Variants in BCAS3 observed in about 807,000 individuals in gnomAD.
The protein encoded by BCAS3 is BCAS3 microtubule associated cell migration factor, also known as BCAS4/BCAS3 fusion.
BCAS3 carries 53 observed loss-of-function variants against 116.1 expected under a neutral mutation model. That is an observed-to-expected ratio of 0.46 (90% CI 0.37 to 0.57). BCAS3 has a LOEUF of 0.57. BCAS3 is among the 20% of genes least tolerant of loss of function. The pLI, the probability that BCAS3 is intolerant of heterozygous loss-of-function variation, is 0.00. For missense variants in BCAS3, 917 were observed against 1,165.4 expected (o/e 0.79, Z 3.10); for synonymous variants, 391 against 408.2 (o/e 0.96, Z 0.51).
At chr17:60,822,491 A>G (rs148665990) in intron 7 of BCAS3, among the ~76,000 whole-genome samples, 1 of 152,348 alleles carries the variant, frequency 6.6e-6, no homozygotes, top group African/African-American at 2.4e-5. Context: ...TTGAAAAGCT[A>G]TACCTATGCT....
Position 61,364,505 on chromosome 17 carries a change from C to T in BCAS3, c.2426-3822C>T, listed in dbSNP as rs1169827227. Among the ~76,000 whole-genome samples the T allele has an allele frequency of 6.6e-6, 1 of 152,168 alleles. No individual in the cohort carries two copies. The highest frequency in any genetic ancestry group is 2.4e-5 in the African/African-American group (1 of 41,444). On this transcript the variant is annotated intron_variant, in intron 22 of 23. Coordinates refer to ENST00000407086, the MANE Select transcript of BCAS3 (RefSeq NM_017679.5). This position sits in a 1 kb window ranked among gnomAD's most constrained non-coding sequence, Gnocchi z 5.4. ...CGAAGGTGGGTGGATCACTTGAGCACAGGAGTTTGAGACCAGCCTGGGCAA... is the reference window on the plus strand; with the variant it reads ...CGAAGGTGGGTGGATCACTTGAGCATAGGAGTTTGAGACCAGCCTGGGCAA...
chr17:60,946,169 A>G (rs983905468), intron 13 of BCAS3, among the ~76,000 whole-genome samples: 5 of 152,204 alleles, frequency 3.3e-5, no homozygotes, highest in Admixed American at 1.3e-4. Context: ...CAAGTTGACA[A>G]TGTTACTTCA....
chr17:60,803,694 A>G (rs2048008866), intron 6 of BCAS3, among the ~76,000 whole-genome samples: 1 of 151,942 alleles, frequency 6.6e-6, no homozygotes, highest in African/African-American at 2.4e-5. Context: ...GGAAATTTAT[A>G]TATTCACATG....
chr17:61,278,260 C>T lies in BCAS3; in HGVS notation c.2426-90067C>T, dbSNP rs2144657478. Among the ~76,000 whole-genome samples the T allele has an allele frequency of 6.6e-6, 1 of 152,334 alleles. No homozygotes were observed. The highest frequency in any genetic ancestry group is 1.9e-4 in the East Asian group (1 of 5,188). On this transcript the variant is annotated intron_variant, in intron 22 of 23. Transcript: ENST00000407086. This position sits in a 1 kb window ranked among gnomAD's most constrained non-coding sequence, Gnocchi z 5.8. The stretch of plus-strand genomic sequence containing the variant: ...GTTTCACCATGTTGGCCAGGCTGGT[C>T]TTGAACTCCTGACCTTGTGATCCGC...
At chr17:61,033,962 A>G (rs1297005733) in intron 16 of BCAS3, among the ~76,000 whole-genome samples, 1 of 152,190 alleles carries the variant, frequency 6.6e-6, no homozygotes, top group African/African-American at 2.4e-5. Context: ...GAAAAGATTT[A>G]GGTTTGAGAG....
chr17:60,849,749 T>A (rs1291658264), intron 7 of BCAS3, among the ~76,000 whole-genome samples: 2 of 152,062 alleles, frequency 1.3e-5, no homozygotes, highest in East Asian at 3.9e-4. Flanking sequence ...TTCTTTCTTC[T>A]TCCTTTTCCT....
At chr17:60,974,897 C>T (rs1399387358) in intron 14 of BCAS3, among the ~76,000 whole-genome samples, 2 of 151,612 alleles carry the variant, frequency 1.3e-5, no homozygotes, top group African/African-American at 4.9e-5. Context: ...TTATGGCACA[C>T]TTTTATGCTG....
In BCAS3 at chr17:61,379,228, C is replaced by T. The variant is rs9895661; in HGVS notation, c.2593+10734C>T. 105,139 of 152,070 alleles carry T rather than the reference C, an allele frequency of 0.69. 37,941 individuals carry two copies. The highest frequency in any genetic ancestry group is 0.82 in the Non-Finnish European group (55,574 of 68,008). 9.4% of individuals were successfully genotyped at this position (152,070 alleles called of 1,614,324 possible). On this transcript the variant is annotated intron_variant, in intron 23 of 23. Coordinates refer to ENST00000407086, the MANE Select transcript of BCAS3 (RefSeq NM_017679.5). This position sits in a 1 kb window ranked among gnomAD's most constrained non-coding sequence, Gnocchi z 5.5. ...GTTAACCACTGACCTTTCTGTGAGG[C>T]GTGAGATTCTGAACAAAGTTGAACG...
chr17:60,850,345 G>GTTTTTTTTTTT lies in BCAS3; in HGVS notation c.477-18212_477-18202dup, dbSNP rs10573405. Among the ~76,000 whole-genome samples, 18 of 37,730 alleles carry GTTTTTTTTTTT rather than the reference G, an allele frequency of 4.8e-4. 2 individuals carry two copies. Among genetic ancestry groups the GTTTTTTTTTTT allele is most frequent in the African/African-American group, 1.4e-3 (10 of 7,118 alleles). The allele number at this position is 37,730 out of a possible 152,430, so 24.8% of individuals were successfully genotyped here. A position where few individuals can be genotyped will look rare whatever the true frequency, so the allele number is the denominator to read the frequency against. The stretch of plus-strand genomic sequence containing the variant: ...CCTCCCCCTAACTCCTGGCACCACT[G>GTTTTTTTTTTT]TTTTTTTTTTTTTTTTTTTTTTTTT... On this transcript the variant is annotated intron_variant, in intron 7 of 23. Transcript: ENST00000407086.
Position 61,220,829 on chromosome 17 carries a change from G to C in BCAS3, c.2425+136265G>C, listed in dbSNP as rs1044895067. Among the ~76,000 whole-genome samples, 4 of 151,592 alleles carry C rather than the reference G, an allele frequency of 2.6e-5. No individual in the cohort carries two copies. Among genetic ancestry groups the C allele is most frequent in the Non-Finnish European group, 4.4e-5 (3 of 67,880 alleles). ...TAGAAAGTGTAGTTCGGCTGGGCGCGGTGGCTCACGCCTGTAATCCCAGCA... is the reference window on the plus strand; with the variant it reads ...TAGAAAGTGTAGTTCGGCTGGGCGCCGTGGCTCACGCCTGTAATCCCAGCA... On this transcript the variant is annotated intron_variant, in intron 22 of 23. Transcript: ENST00000407086. This position sits in a 1 kb window ranked among gnomAD's most constrained non-coding sequence, Gnocchi z 4.5.
chr17:61,158,441 A>C (rs1467717925), intron 22 of BCAS3, among the ~76,000 whole-genome samples: 1 of 152,202 alleles, frequency 6.6e-6, no homozygotes, highest in East Asian at 1.9e-4. Context: ...TCTAAAAATC[A>C]AGTTGGACCA....
intron 10 of BCAS3, among the ~76,000 whole-genome samples, chr17:60,894,675 C>T (rs1055387413): frequency 6.6e-6 from 1 of 152,066 alleles, no homozygotes; most frequent in Admixed American, 6.6e-5. Flanking sequence ...TAAATTTTCC[C>T]CATTCAGCCT....
At chr17:61,357,266 AAATT>A (rs1299490169) in intron 22 of BCAS3, among the ~76,000 whole-genome samples, 3 of 74,774 alleles carry the variant, frequency 4.0e-5, no homozygotes, top group South Asian at 4.8e-4. Context: ...ATAAATAAAT[AAATT>A]AATTAATTAA....
At chr17:61,308,017 T>C (rs2053980523) in intron 22 of BCAS3, among the ~76,000 whole-genome samples, 1 of 152,216 alleles carries the variant, frequency 6.6e-6, no homozygotes, top group Non-Finnish European at 1.5e-5. Flanking sequence ...GTTTTATGTA[T>C]TTAGCAAATC....
chr17:60,918,629 C>A (rs1038238417), intron 12 of BCAS3, among the ~76,000 whole-genome samples: 1 of 151,274 alleles, frequency 6.6e-6, no homozygotes, highest in Non-Finnish European at 1.5e-5. Context: ...GTTTGAAAGG[C>A]CTGTCTGTCA....
At chr17:60,934,122 A>G (rs1479480798) in intron 13 of BCAS3, among the ~76,000 whole-genome samples, 1 of 151,996 alleles carries the variant, frequency 6.6e-6, no homozygotes, top group South Asian at 2.1e-4. Flanking sequence ...AGAAAAAAAA[A>G]CATGGTTTTA....
At chr17:60,871,740 C>T (rs1167285054) in intron 8 of BCAS3, among the ~76,000 whole-genome samples, 1 of 151,896 alleles carries the variant, frequency 6.6e-6, no homozygotes, top group Non-Finnish European at 1.5e-5. Flanking sequence ...GGGTTTCACC[C>T]TAGGGGTAAT....
chr17:60,858,095 T>C (rs573061800), intron 7 of BCAS3, among the ~76,000 whole-genome samples: 1 of 152,272 alleles, frequency 6.6e-6, no homozygotes, highest in African/African-American at 2.4e-5. Flanking sequence ...TTAGATTTCA[T>C]TCATTATTAA....
chr17:61,003,764 T>C (rs563495315), intron 15 of BCAS3: 1 of 152,340 alleles, frequency 6.6e-6, no homozygotes, highest in South Asian at 2.1e-4. Context: ...TTCTATTATT[T>C]AATAATTCAT....
Sources: gnomAD v4.1 joint callset for allele counts (sites outside exome capture counted in the v4.1 genomes callset) on GRCh38, gnomAD v4.1.1 for gene constraint, Gnocchi (gnomAD v3.1) non-coding constraint, MANE v1.5 for transcripts, NCBI Gene and HGNC (gene_info 2026-07-23, HGNC 2026-07-21) for gene names.